The following DLGAP2 variants were observed in gnomAD, a reference collection of about 807,000 sequenced individuals.
DLGAP2 encodes the protein disks large-associated protein 2.
DLGAP2 carries 26 observed loss-of-function variants against 100.3 expected under a neutral mutation model. That is an observed-to-expected ratio of 0.26 (90% CI 0.19 to 0.36). The LOEUF (loss-of-function observed/expected upper bound fraction) is 0.36. Among genes scored for constraint, DLGAP2 ranks in the 10% least tolerant of loss-of-function variants. DLGAP2 has a pLI of 1.00. For missense variants in DLGAP2, 1,858 were observed against 1,453.2 expected, an observed-to-expected ratio of 1.28 and a Z score of -4.53; for synonymous variants, 886 against 630.1, an observed-to-expected ratio of 1.41 and a Z score of -6.08.
chr8:1,483,191 C>T (rs1269092905), intron 3 of DLGAP2, among the ~76,000 whole-genome samples: 3 of 152,140 alleles, frequency 2.0e-5, no homozygotes, highest in African/African-American at 7.2e-5. Context: ...TGATGAGAGG[C>T]CCTGAGGGGT....
chr8:1,548,193 C>G (rs2404620), intron 4 of DLGAP2, among the ~76,000 whole-genome samples: 70,944 of 151,446 alleles, frequency 0.47, 16,725 homozygotes, highest in East Asian at 0.57. Context: ...GGTGTCCTGG[C>G]TCATATCTGT....
intron 2 of DLGAP2, among the ~76,000 whole-genome samples, chr8:1,235,398 G>A (rs375872501): frequency 6.7e-4 from 97 of 144,478 alleles, no homozygotes; most frequent in African/African-American, 2.4e-3. Flanking sequence ...GTTGTGTCTC[G>A]TTCTCTCTCA....
At chr8:969,702 T>A (rs1799967543) in intron 2 of DLGAP2, among the ~76,000 whole-genome samples, 1 of 152,116 alleles carries the variant, frequency 6.6e-6, no homozygotes, top group Non-Finnish European at 1.5e-5. Flanking sequence ...GCTGCAAACC[T>A]CCCCTCAGCT....
At chr8:1,342,419 G>A (rs1742217309) in intron 3 of DLGAP2, among the ~76,000 whole-genome samples, 1 of 152,174 alleles carries the variant, frequency 6.6e-6, no homozygotes, top group Non-Finnish European at 1.5e-5. Flanking sequence ...ACATTGTAGT[G>A]TACATAGTGT....
intron 2 of DLGAP2, among the ~76,000 whole-genome samples, chr8:1,093,214 C>A (rs1473942495): frequency 6.6e-6 from 1 of 152,242 alleles, no homozygotes; most frequent in Non-Finnish European, 1.5e-5. Flanking sequence ...CTAAAAAACA[C>A]CTTCACACCA....
At chr8:839,882 C>A (rs1039740832) in intron 1 of DLGAP2, among the ~76,000 whole-genome samples, 4 of 152,364 alleles carry the variant, frequency 2.6e-5, no homozygotes, top group East Asian at 1.9e-4. Flanking sequence ...TTTCCCCAGG[C>A]CGTTTGGCCT....
intron 2 of DLGAP2, among the ~76,000 whole-genome samples, chr8:1,192,099 A>G (rs551076514): frequency 2.0e-5 from 3 of 152,182 alleles, no homozygotes; most frequent in South Asian, 2.1e-4. Flanking sequence ...TGGCCCCTGC[A>G]CTTTCTAGAT....
chr8:1,490,021 A>G (rs1799334723), intron 3 of DLGAP2, among the ~76,000 whole-genome samples: 1 of 151,882 alleles, frequency 6.6e-6, no homozygotes, highest in Non-Finnish European at 1.5e-5. Flanking sequence ...CCTCCCGAGT[A>G]GCTGGGATTA....
At chr8:1,234,206 C>T (rs1354349676) in intron 2 of DLGAP2, among the ~76,000 whole-genome samples, 1 of 152,236 alleles carries the variant, frequency 6.6e-6, no homozygotes, top group Non-Finnish European at 1.5e-5. Context: ...GTGCACCTGT[C>T]TGCTGGGACT....
intron 3 of DLGAP2, among the ~76,000 whole-genome samples, chr8:1,295,457 G>T (rs951049246): frequency 2.0e-5 from 3 of 152,182 alleles, no homozygotes; most frequent in African/African-American, 7.2e-5. Context: ...AGGAAAGGCT[G>T]TGGGCCCCCA....
chr8:1,164,718 T>C (rs993242286), intron 2 of DLGAP2, among the ~76,000 whole-genome samples: 2 of 152,146 alleles, frequency 1.3e-5, no homozygotes, highest in Non-Finnish European at 2.9e-5. Context: ...AGTTTGTCTT[T>C]CTGACTCCTC....
intron 2 of DLGAP2, among the ~76,000 whole-genome samples, chr8:1,192,386 G>A (rs1275865209): frequency 6.6e-6 from 1 of 152,210 alleles, no homozygotes; most frequent in Non-Finnish European, 1.5e-5. Flanking sequence ...CTGATTAACA[G>A]ATGGATCACC....
At chr8:1,551,481 G>A (rs960243379) in intron 5 of DLGAP2, among the ~76,000 whole-genome samples, 4 of 152,082 alleles carry the variant, frequency 2.6e-5, no homozygotes, top group African/African-American at 9.7e-5. Context: ...CTTCTCCACA[G>A]GTCCTGTGCC....
intron 2 of DLGAP2, among the ~76,000 whole-genome samples, chr8:1,085,681 T>C (rs752444430): frequency 2.6e-5 from 4 of 152,234 alleles, no homozygotes; most frequent in South Asian, 2.1e-4. Flanking sequence ...CTTTGTAGTA[T>C]AGATTGAAAT....
chr8:1,225,515 C>T (rs994632228), intron 2 of DLGAP2, among the ~76,000 whole-genome samples: 1 of 152,176 alleles, frequency 6.6e-6, no homozygotes, highest in Non-Finnish European at 1.5e-5. Flanking sequence ...GCTGGTTGAA[C>T]AACACGTGAA....
Position 1,489,977 on chromosome 8 carries a change from C to T in DLGAP2, c.107-11389C>T, listed in dbSNP as rs181779372. ...CACAATCTTGGCTCACTGCAACCTC[C>T]ACCTCTCAGGTTCAAGCAGTTCTCC... On this transcript the variant is annotated intron_variant, in intron 3 of 14. Coordinates refer to ENST00000637795, the MANE Select transcript of DLGAP2 (RefSeq NM_001346810.2). Among the ~76,000 whole-genome samples, 29 of 152,242 alleles carry T rather than the reference C, an allele frequency of 1.9e-4. No homozygotes were observed. In the East Asian group the frequency reaches 4.4e-3, roughly 23 times the overall value.
intron 3 of DLGAP2, among the ~76,000 whole-genome samples, chr8:1,494,134 G>A (rs1243011220): frequency 6.6e-6 from 1 of 152,170 alleles, no homozygotes; most frequent in African/African-American, 2.4e-5. Context: ...GACGAAAGTG[G>A]GTCATGTCCT....
intron 2 of DLGAP2, among the ~76,000 whole-genome samples, chr8:1,059,437 G>C (rs1005638653): frequency 6.6e-6 from 1 of 152,156 alleles, no homozygotes; most frequent in Non-Finnish European, 1.5e-5. Context: ...CTGTGCCTCA[G>C]TTTCTCCCTC....
At chr8:1,344,153 TCGTGGGTCTTTGTACTCG>T in intron 3 of DLGAP2, among the ~76,000 whole-genome samples, 1 of 151,432 alleles carries the variant, frequency 6.6e-6, no homozygotes, top group African/African-American at 2.4e-5. Context: ...CGGGGCCCTG[TCGTGGGTCTTTGTACTCG>T]GGGCGCTGTC....
Sources: gnomAD v4.1 joint callset for allele counts (sites outside exome capture counted in the v4.1 genomes callset) on GRCh38, gnomAD v4.1.1 for gene constraint, MANE v1.5 for transcripts, NCBI Gene and HGNC (gene_info 2026-07-23, HGNC 2026-07-21) for gene names.